Variants in TLL1 observed in about 807,000 individuals in gnomAD.
The protein encoded by TLL1 is tolloid like 1.
A neutral mutation model predicts 128.2 loss-of-function variants in TLL1; 49 were observed. The ratio of observed to expected loss-of-function variants is 0.38; its 90% CI spans 0.30 to 0.48. The LOEUF (loss-of-function observed/expected upper bound fraction) is 0.48. Ranked by LOEUF, TLL1 falls within the 20% of genes least tolerant of loss-of-function variation. The pLI is 0.96. For synonymous variants in TLL1, 454 were observed against 418.8 expected, an observed-to-expected ratio of 1.08 and a Z score of -1.03; for missense variants, 1,123 against 1,242.0, an observed-to-expected ratio of 0.90 and a Z score of 1.44.
intron 2 of TLL1, among the ~76,000 whole-genome samples, chr4:165,989,734 G>A (rs1283172882): frequency 6.6e-6 from 1 of 150,970 alleles, no homozygotes; most frequent in African/African-American, 2.4e-5. Context: ...TGCTTTGCAG[G>A]TATTAATTCT....
intron 1 of TLL1, among the ~76,000 whole-genome samples, chr4:165,967,102 A>G (rs1003706898): frequency 6.6e-6 from 1 of 152,188 alleles, no homozygotes; most frequent in Non-Finnish European, 1.5e-5. Context: ...CTTGCTGAGA[A>G]AAAGAATTCA....
Position 165,936,937 on chromosome 4 carries a change from A to C in TLL1, c.170-52444A>C, listed in dbSNP as rs112846291. Among the ~76,000 whole-genome samples, 993 of 152,262 alleles carry C rather than the reference A, an allele frequency of 6.5e-3. 9 individuals carry two copies. Among genetic ancestry groups the C allele is most frequent in the African/African-American group, 0.023 (953 of 41,552 alleles). On this transcript the variant is annotated intron_variant, in intron 1 of 20. Coordinates refer to ENST00000061240, the MANE Select transcript of TLL1 (RefSeq NM_012464.5). ...GACAGAGTGAGACTCCATCTCAAAC[A>C]AAAAGCAAAAAACGAAAGACACCCA... is the stretch of plus-strand genomic sequence containing the variant.
chr4:166,083,873 A>G lies in TLL1; in HGVS notation c.2442+5843A>G, dbSNP rs114503767. ...TGGGAGCAACAGACATTCCTTCAACATCCTGATTTCATTTCTTTTTGATAT... is the reference window on the plus strand; with the variant it reads ...TGGGAGCAACAGACATTCCTTCAACGTCCTGATTTCATTTCTTTTTGATAT... On this transcript the variant is annotated intron_variant, in intron 18 of 20. Coordinates refer to ENST00000061240, the MANE Select transcript of TLL1 (RefSeq NM_012464.5). Among the ~76,000 whole-genome samples the G allele has an allele frequency of 2.5e-3, 379 of 152,198 alleles. 4 individuals are homozygous for G. The highest frequency in any genetic ancestry group is 8.7e-3 in the African/African-American group (362 of 41,548).
In TLL1 at chr4:165,935,272, G is replaced by A. The variant is rs561161317; in HGVS notation, c.170-54109G>A. On this transcript the variant is annotated intron_variant, in intron 1 of 20. Transcript: ENST00000061240. ...AATAAATCATGCTAGAAATACCTCT[G>A]TGACAGAAAACCTTGTGGGAAATAA... is the stretch of plus-strand genomic sequence containing the variant. 2.0e-5 allele frequency among the ~76,000 whole-genome samples: 3 copies of A among 152,260 alleles called. No homozygotes were observed. The South Asian group carries it at 6.2e-4, about 31-fold the overall frequency.
chr4:166,071,206 G>A (rs181009962), intron 16 of TLL1, among the ~76,000 whole-genome samples: 30 of 151,988 alleles, frequency 2.0e-4, no homozygotes, highest in African/African-American at 7.2e-4. Context: ...TCTGCAAAGA[G>A]AAAATTTTTA....
Position 165,889,941 on chromosome 4 carries a change from C to T in TLL1, c.169+15868C>T, listed in dbSNP as rs183176889. Among the ~76,000 whole-genome samples the T allele has an allele frequency of 7.0e-4, 107 of 152,164 alleles. 1 individual carries two copies. Among genetic ancestry groups the T allele is most frequent in the African/African-American group, 2.5e-3 (105 of 41,502 alleles). ...CTCATGCTGCTAGTAAAGACCTACC[C>T]GAGACTGAATAACTTATAAAGGAAA... is the stretch of plus-strand genomic sequence containing the variant. On this transcript the variant is annotated intron_variant, in intron 1 of 20. Coordinates refer to ENST00000061240, the MANE Select transcript of TLL1 (RefSeq NM_012464.5).
chr4:166,044,473 C>T, intron 12 of TLL1: 2 of 1,484,092 alleles, frequency 1.3e-6, no homozygotes, highest in Admixed American at 2.0e-5. Flanking sequence ...TGTCCCCTTG[C>T]ATGTACCATT....
At chr4:166,001,522 GC>G (rs1481978313) in intron 5 of TLL1, among the ~76,000 whole-genome samples, 4 of 151,868 alleles carry the variant, frequency 2.6e-5, no homozygotes, top group Non-Finnish European at 4.4e-5. Flanking sequence ...ATTGAGGCTG[GC>G]CACAATGGCC....
chr4:165,902,784 T>C (rs1732059498), intron 1 of TLL1, among the ~76,000 whole-genome samples: 1 of 152,200 alleles, frequency 6.6e-6, no homozygotes, highest in East Asian at 1.9e-4. Flanking sequence ...TGGATATCTA[T>C]GTGTAAAACC....
In TLL1 at chr4:166,060,184, A is replaced by G; in HGVS notation, c.2003A>G (p.Asn668Ser). 2.5e-6 allele frequency: 4 copies of G among 1,613,658 alleles called. No individual in the cohort carries two copies. Among genetic ancestry groups the G allele is most frequent in the African/African-American group, 1.3e-5 (1 of 74,978 alleles). ...TTTGAGTTTTTTGAATTGGAAGGCA[A>G]TGAAGTAAGTGAACAATAACTGTAA... ...VKFEFFELEG[N>S]EVCKYDYVEI... Residue 668 changes from asparagine to serine, a missense_variant, in exon 15 of 21, where the codon AAT (asparagine) becomes AGT (serine). Transcript: ENST00000061240.
At chr4:166,023,351 G>A (rs953713928) in intron 8 of TLL1, among the ~76,000 whole-genome samples, 8 of 152,222 alleles carry the variant, frequency 5.3e-5, no homozygotes, top group Non-Finnish European at 1.2e-4. Flanking sequence ...AGTGAGTTGA[G>A]ATTGAGCCAC....
At chr4:166,067,143 T>C (rs1384742682) in intron 16 of TLL1, among the ~76,000 whole-genome samples, 5 of 151,798 alleles carry the variant, frequency 3.3e-5, no homozygotes, top group African/African-American at 1.2e-4. Context: ...TTACGCAATA[T>C]ACCCATGTAA....
intron 7 of TLL1, among the ~76,000 whole-genome samples, 196 bp from the exon 8 acceptor site, chr4:166,014,237 ATAC>A (rs1737829379): frequency 6.6e-6 from 1 of 151,978 alleles, no homozygotes; most frequent in Non-Finnish European, 1.5e-5. Context: ...CATTGAGTTT[ATAC>A]TAGGCATACA....
At chr4:165,963,045 G>T (rs1458540789) in intron 1 of TLL1, among the ~76,000 whole-genome samples, 1 of 114,646 alleles carries the variant, frequency 8.7e-6, no homozygotes, top group Non-Finnish European at 1.6e-5. Context: ...ACAGAGCGAG[G>T]CTCTGTCTCA....
intron 1 of TLL1, among the ~76,000 whole-genome samples, chr4:165,882,956 G>A (rs527460453): frequency 6.6e-6 from 1 of 152,032 alleles, no homozygotes; most frequent in Admixed American, 6.6e-5. Context: ...ATACGTGTTC[G>A]AGGATGAAAA....
intron 9 of TLL1, among the ~76,000 whole-genome samples, chr4:166,027,398 AACT>A (rs1184643374): frequency 6.6e-6 from 1 of 152,192 alleles, no homozygotes; most frequent in Non-Finnish European, 1.5e-5. Flanking sequence ...TCTTGATGAT[AACT>A]GAATGGTATT....
At chr4:165,956,846 C>T (rs148247369) in intron 1 of TLL1, among the ~76,000 whole-genome samples, 3,555 of 152,082 alleles carry the variant, frequency 0.023, 135 homozygotes, top group African/African-American at 0.079. Context: ...TGCTGTGGCT[C>T]CAGCCGGTCC....
At chr4:166,016,765 G>C (rs1287450902) in intron 8 of TLL1, among the ~76,000 whole-genome samples, 2 of 151,768 alleles carry the variant, frequency 1.3e-5, no homozygotes. Context: ...AAAGTACCGG[G>C]AGTAAGGGAC....
intron 1 of TLL1, among the ~76,000 whole-genome samples, chr4:165,904,478 G>C (rs756410659): frequency 5.9e-5 from 9 of 152,172 alleles, no homozygotes; most frequent in Non-Finnish European, 1.2e-4. Context: ...TGCCCAAAGT[G>C]TGTACCCCTT....
Sources: gnomAD v4.1 joint callset for allele counts (sites outside exome capture counted in the v4.1 genomes callset) on GRCh38, gnomAD v4.1.1 for gene constraint, MANE v1.5 for transcripts, NCBI Gene and HGNC (gene_info 2026-07-23, HGNC 2026-07-21) for gene names.